NT5DC1: variants seen among roughly 807,000 people sequenced by gnomAD.
NT5DC1 encodes 5'-nucleotidase domain containing 1.
Under a neutral mutation model 59.4 loss-of-function variants are expected in NT5DC1, and 42 were observed. The observed-to-expected ratio is 0.71, with a 90% CI of 0.55 to 0.92. The LOEUF is 0.92. NT5DC1 is among the 40% of genes least tolerant of loss of function. NT5DC1 has a pLI of 0.00. For missense variants in NT5DC1, 501 were observed against 537.1 expected (o/e 0.93, Z 0.66); for synonymous variants, 172 against 188.1 (o/e 0.91, Z 0.70).
chr6:116,104,345 G>C (rs1778730182), intron 1 of NT5DC1, among the ~76,000 whole-genome samples: 2 of 152,320 alleles, frequency 1.3e-5, no homozygotes, highest in South Asian at 4.1e-4. Flanking sequence ...GATGGAAAGG[G>C]CTCCTTTCTT....
intron 6 of NT5DC1, among the ~76,000 whole-genome samples, chr6:116,183,245 A>G (rs1780926330): frequency 6.6e-6 from 1 of 152,006 alleles, no homozygotes; most frequent in Non-Finnish European, 1.5e-5. Flanking sequence ...GCCCGTTTTT[A>G]TACCATTACT....
chr6:116,172,129 C>T (rs1056380854), intron 6 of NT5DC1, among the ~76,000 whole-genome samples: 3 of 152,084 alleles, frequency 2.0e-5, no homozygotes, highest in Admixed American at 6.5e-5. Context: ...CATTTCCTAA[C>T]CTGTTGTAAA....
intron 6 of NT5DC1, among the ~76,000 whole-genome samples, chr6:116,176,358 T>C (rs1780734126): frequency 6.6e-6 from 1 of 152,194 alleles, no homozygotes; most frequent in South Asian, 2.1e-4. Flanking sequence ...GTGGTTTGCT[T>C]CTGTTGGGCC....
intron 6 of NT5DC1, among the ~76,000 whole-genome samples, chr6:116,150,994 A>C (rs949539414): frequency 6.6e-6 from 1 of 152,222 alleles, no homozygotes; most frequent in African/African-American, 2.4e-5. Context: ...GTGAGTGAAT[A>C]AGATGACATT....
chr6:116,156,888 G>C (rs186340127), intron 6 of NT5DC1, among the ~76,000 whole-genome samples: 4 of 152,208 alleles, frequency 2.6e-5, no homozygotes, highest in South Asian at 4.1e-4. Context: ...AACCCCTTTT[G>C]TTCTCCTCAG....
At chr6:116,172,906 G>A (rs899578756) in intron 6 of NT5DC1, among the ~76,000 whole-genome samples, 1 of 152,000 alleles carries the variant, frequency 6.6e-6, no homozygotes, top group Non-Finnish European at 1.5e-5. Context: ...CTTTTTGCAG[G>A]CACTTTTCTA....
At position 116,223,121 on chromosome 6, in the gene NT5DC1, C is replaced by T. The variant is rs1257002696; in HGVS notation, c.792C>T (p.Phe264=). 1 of 1,575,980 alleles carries T rather than the reference C, an allele frequency of 6.3e-7. No homozygotes were observed. The highest frequency in any genetic ancestry group is 1.7e-5 in the Admixed American group (1 of 59,626). ...CCCACTTACCAAGTCAGAGACCTTT[C>T]CGGACACTCGGTAAGTTACATTTGG... is the stretch of plus-strand genomic sequence containing the variant. ...FFSHLPSQRP[F]RTLENDEEQE... The change falls in exon 8 of 12, where the codon TTC becomes TTT. Residue 264 remains phenylalanine, a synonymous_variant. Transcript: ENST00000319550.
intron 1 of NT5DC1, among the ~76,000 whole-genome samples, chr6:116,105,933 G>A (rs1425016716): frequency 2.6e-5 from 4 of 152,154 alleles, no homozygotes; most frequent in Non-Finnish European, 4.4e-5. Flanking sequence ...TATTAAATAA[G>A]TTTAAAAAGC....
At chr6:116,101,236 C>A (rs1208923743) in intron 1 of NT5DC1, among the ~76,000 whole-genome samples, 1 of 152,160 alleles carries the variant, frequency 6.6e-6, no homozygotes, top group African/African-American at 2.4e-5. Flanking sequence ...TTACCTCAGC[C>A]ATTAGCTAAT....
At chr6:116,103,094 G>C (rs1417041564) in intron 1 of NT5DC1, among the ~76,000 whole-genome samples, 3 of 152,080 alleles carry the variant, frequency 2.0e-5, no homozygotes, top group Non-Finnish European at 4.4e-5. Flanking sequence ...TTACTTGTTG[G>C]ACTTCCCCTA....
intron 8 of NT5DC1, among the ~76,000 whole-genome samples, chr6:116,230,761 T>C (rs951400967): frequency 1.3e-5 from 2 of 152,228 alleles, no homozygotes; most frequent in African/African-American, 4.8e-5. Flanking sequence ...CTGTATTGTT[T>C]AGTGCTTTCA....
At chr6:116,164,552 T>C (rs1425891447) in intron 6 of NT5DC1, among the ~76,000 whole-genome samples, 2 of 152,214 alleles carry the variant, frequency 1.3e-5, no homozygotes, top group Non-Finnish European at 2.9e-5. Context: ...TGCTAATCTA[T>C]CTCTTTCAAG....
intron 6 of NT5DC1, among the ~76,000 whole-genome samples, chr6:116,135,926 A>G (rs1779589739): frequency 1.3e-5 from 2 of 149,562 alleles, no homozygotes; most frequent in South Asian, 4.2e-4. Context: ...TAATTAACAT[A>G]TCCATTACAT....
intron 6 of NT5DC1, among the ~76,000 whole-genome samples, chr6:116,216,923 A>T (rs1230338096): frequency 6.6e-6 from 1 of 152,132 alleles, no homozygotes; most frequent in Non-Finnish European, 1.5e-5. Flanking sequence ...AAAGGTTGTA[A>T]ATATTTAAAT....
rs1771874923 is a variant in NT5DC1 at position 116,247,650 on chromosome 6, T to C, written c.*3626T>C. 1 of 152,176 alleles carries C rather than the reference T, an allele frequency of 6.6e-6. No individual in the cohort carries two copies. Among genetic ancestry groups the C allele is most frequent in the Non-Finnish European group, 1.5e-5 (1 of 68,010 alleles). 9.4% of individuals were successfully genotyped at this position (152,176 alleles called of 1,614,324 possible). On this transcript the variant is annotated 3_prime_UTR_variant, in exon 12 of 12. Transcript: ENST00000319550. Reference sequence around the variant, plus strand: ...CCATGTACCTGTTCACAGACTCTTTTCAAAAAACAAGTTTATTTTACTTTT... The same window carrying C: ...CCATGTACCTGTTCACAGACTCTTTCCAAAAAACAAGTTTATTTTACTTTT...
intron 6 of NT5DC1, among the ~76,000 whole-genome samples, chr6:116,137,939 CGTG>C (rs1268530223): frequency 1.3e-5 from 2 of 151,850 alleles, no homozygotes; most frequent in Non-Finnish European, 2.9e-5. Context: ...ATTAGCCAGG[CGTG>C]GTGGTGTGTG....
At chr6:116,222,547 CTGAT>C (rs1376976299) in intron 7 of NT5DC1, among the ~76,000 whole-genome samples, 1 of 152,162 alleles carries the variant, frequency 6.6e-6, no homozygotes, top group Non-Finnish European at 1.5e-5. Context: ...TAAGACTACA[CTGAT>C]TGTCAAATAA....
chr6:116,221,793 G>C (rs563229155), intron 7 of NT5DC1, among the ~76,000 whole-genome samples: 1 of 152,250 alleles, frequency 6.6e-6, no homozygotes, highest in South Asian at 2.1e-4. Flanking sequence ...CTTCAATTTT[G>C]CCGTCATAAA....
In NT5DC1 at chr6:116,120,729, G is replaced by A. The variant is rs1284288939; in HGVS notation, c.529+2784G>A. ...CTTCCTGGATCCCCTTTAGACCCAG[G>A]GAATCCTGGAATGCCTGGTGGCCCA... On this transcript the variant is annotated intron_variant, in intron 6 of 11. Transcript: ENST00000319550. 1 of 1,587,268 alleles carries A rather than the reference G, an allele frequency of 6.3e-7. No individual in the cohort carries two copies. The highest frequency in any genetic ancestry group is 1.8e-5 in the Admixed American group (1 of 54,906).
Sources: gnomAD v4.1 joint callset for allele counts (sites outside exome capture counted in the v4.1 genomes callset) on GRCh38, gnomAD v4.1.1 for gene constraint, MANE v1.5 for transcripts, NCBI Gene and HGNC (gene_info 2026-07-23, HGNC 2026-07-21) for gene names.